Variants in FOCAD observed in about 807,000 individuals in gnomAD.
The protein encoded by FOCAD is focadhesin, also known as KIAA1797.
In FOCAD, 198 loss-of-function variants were observed where a neutral mutation model predicts 225.6. The ratio of observed to expected loss-of-function variants is 0.88; its 90% CI spans 0.78 to 0.99. FOCAD has a LOEUF of 0.99. Among genes scored for constraint, FOCAD ranks in the 50% least tolerant of loss-of-function variants. The probability of loss-of-function intolerance (pLI) is 0.00; values close to 1 mark genes in which losing one functional copy is unlikely to be tolerated. For missense variants in FOCAD, 2,713 were observed against 2,123.6 expected (o/e 1.28, Z -5.46); for synonymous variants, 897 against 755.0 (o/e 1.19, Z -3.08).
In FOCAD at chr9:20,715,414, A is replaced by C. The variant is rs568720675; in HGVS notation, c.57+4A>C. The C allele has an allele frequency of 1.3e-6, 2 of 1,495,564 alleles. No individual in the cohort carries two copies. Among genetic ancestry groups the C allele is most frequent in the African/African-American group, 2.8e-5 (2 of 72,300 alleles). 92.6% of individuals were successfully genotyped at this position (1,495,564 alleles called of 1,614,324 possible). On this transcript the variant is annotated splice_donor_region_variant and intron_variant, in intron 2 of 43. Coordinates refer to ENST00000338382, the MANE Select transcript of FOCAD (RefSeq NM_001375567.1). ...AAATTCTCTTATCCAATCACAGGTAATTTTGTTTGTTTATTTTTGCTCATG... is the reference window on the plus strand; with the variant it reads ...AAATTCTCTTATCCAATCACAGGTACTTTTGTTTGTTTATTTTTGCTCATG...
intron 20 of FOCAD, among the ~76,000 whole-genome samples, chr9:20,884,405 T>C (rs943695198): frequency 1.3e-4 from 20 of 152,120 alleles, no homozygotes; most frequent in Non-Finnish European, 2.9e-5. Context: ...CAAGTGGTTC[T>C]CCTGCTTCAG....
chr9:20,762,652 T>C (rs1829711138), intron 6 of FOCAD, among the ~76,000 whole-genome samples: 1 of 152,214 alleles, frequency 6.6e-6, no homozygotes. Flanking sequence ...CAAGTGTTAT[T>C]TATTTTATTA....
rs144959132 is a variant in FOCAD at position 20,880,738 on chromosome 9, C to G, written c.2318-1133C>G. ...TTTAATCATATTCATTTAAAGGAGA[C>G]TTTTAGATAGATCTCTTCAGAATGA... On this transcript the variant is annotated intron_variant, in intron 19 of 43. Transcript: ENST00000338382. Among the ~76,000 whole-genome samples the G allele has an allele frequency of 7.2e-5, 11 of 152,214 alleles. No homozygotes were observed. The East Asian group carries it at 2.1e-3, about 29-fold the overall frequency.
intron 20 of FOCAD, among the ~76,000 whole-genome samples, chr9:20,882,513 C>T (rs192795950): frequency 1.6e-4 from 25 of 152,102 alleles, no homozygotes; most frequent in Non-Finnish European, 2.8e-4. Context: ...GAAACAAAGA[C>T]GAGCTAGGAG....
chr9:20,796,843 G>T lies in FOCAD; in HGVS notation c.1455+7235G>T, dbSNP rs560441122. On this transcript the variant is annotated intron_variant, in intron 11 of 43. Coordinates refer to ENST00000338382, the MANE Select transcript of FOCAD (RefSeq NM_001375567.1). ...AATTAGATCCCATTTGTCAATTTTG[G>T]CTTTTGTTGCCATTGCTTTTGGTGT... 9.9e-5 allele frequency among the ~76,000 whole-genome samples: 15 copies of T among 151,554 alleles called. No individual in the cohort carries two copies. The South Asian group carries it at 1.9e-3, about 19-fold the overall frequency.
intron 21 of FOCAD, 50 bp from the exon 22 acceptor site, chr9:20,907,100 C>A: frequency 7.2e-7 from 1 of 1,397,004 alleles, no homozygotes; most frequent in Non-Finnish European, 1.0e-6. Context: ...TAATTTTATT[C>A]TTTTTTAATA....
intron 15 of FOCAD, among the ~76,000 whole-genome samples, chr9:20,823,400 C>G (rs953107486): frequency 6.6e-6 from 1 of 151,902 alleles, no homozygotes; most frequent in African/African-American, 2.4e-5. Flanking sequence ...AAAGTTATGC[C>G]TATAGGAGAA....
At chr9:20,987,495 G>A (rs761841301) in intron 40 of FOCAD, among the ~76,000 whole-genome samples, 66 of 150,944 alleles carry the variant, frequency 4.4e-4, no homozygotes, top group Non-Finnish European at 7.2e-4. Context: ...GTGACAGAGC[G>A]AGACTGCATC....
chr9:20,953,789 T>G (rs1837900655), intron 35 of FOCAD, among the ~76,000 whole-genome samples: 1 of 152,204 alleles, frequency 6.6e-6, no homozygotes, highest in Non-Finnish European at 1.5e-5. Context: ...TTTGCTAATT[T>G]TATTCTTCCT....
intron 15 of FOCAD, among the ~76,000 whole-genome samples, chr9:20,831,205 C>A (rs1825457103): frequency 6.6e-6 from 1 of 151,814 alleles, no homozygotes; most frequent in Admixed American, 6.6e-5. Context: ...TTGTCTGTTC[C>A]CAAAGATGTT....
At chr9:20,835,731 G>A (rs1825932089) in intron 15 of FOCAD, among the ~76,000 whole-genome samples, 1 of 152,090 alleles carries the variant, frequency 6.6e-6, no homozygotes, top group South Asian at 2.1e-4. Context: ...GTCTTGAGAT[G>A]GGAATGTGAG....
At chr9:20,959,766 C>G (rs1050312979) in intron 35 of FOCAD, among the ~76,000 whole-genome samples, 3 of 152,020 alleles carry the variant, frequency 2.0e-5, no homozygotes, top group African/African-American at 7.3e-5. Context: ...TCCAGTTTTC[C>G]TAGCATCATA....
chr9:20,946,949 A>T, intron 30 of FOCAD, 129 bp downstream of exon 30: 2 of 1,192,790 alleles, frequency 1.7e-6, no homozygotes, highest in Non-Finnish European at 2.3e-6. Flanking sequence ...ACTTCTAACT[A>T]TTCTCTTTTC....
chr9:20,780,478 G>A (rs1203257891), intron 9 of FOCAD, among the ~76,000 whole-genome samples: 1 of 152,130 alleles, frequency 6.6e-6, no homozygotes, highest in African/African-American at 2.4e-5. Flanking sequence ...TCTCTGATTT[G>A]AAGTTACCTT....
intron 21 of FOCAD, among the ~76,000 whole-genome samples, chr9:20,899,166 G>C (rs1832355467): frequency 6.6e-6 from 1 of 151,836 alleles, no homozygotes. Context: ...ATAGAATGCT[G>C]TTATATTTCA....
chr9:20,879,308 A>C (rs999255924), intron 19 of FOCAD, among the ~76,000 whole-genome samples: 1 of 152,188 alleles, frequency 6.6e-6, no homozygotes, highest in Non-Finnish European at 1.5e-5. Flanking sequence ...TTAGGCTTTC[A>C]GGATTTCAAC....
chr9:20,781,984 C>G (rs547635437), intron 10 of FOCAD, 55 bp downstream of exon 10: 5 of 1,481,090 alleles, frequency 3.4e-6, no homozygotes, highest in Non-Finnish European at 3.8e-6. Flanking sequence ...GGATTTCGGT[C>G]TTTACGGATA....
At chr9:20,905,748 T>C (rs1483821625) in intron 21 of FOCAD, among the ~76,000 whole-genome samples, 1 of 151,958 alleles carries the variant, frequency 6.6e-6, no homozygotes. Flanking sequence ...AGGTTGTAGT[T>C]TGCCACCTGG....
intron 19 of FOCAD, among the ~76,000 whole-genome samples, chr9:20,880,680 A>G (rs1461692389): frequency 6.6e-6 from 1 of 152,146 alleles, no homozygotes; most frequent in Admixed American, 6.6e-5. Flanking sequence ...TGGGTATATA[A>G]TAGACGGTCC....
Sources: gnomAD v4.1 joint callset for allele counts (sites outside exome capture counted in the v4.1 genomes callset) on GRCh38, gnomAD v4.1.1 for gene constraint, MANE v1.5 for transcripts, NCBI Gene and HGNC (gene_info 2026-07-23, HGNC 2026-07-21) for gene names.